MCM9: variants seen among roughly 807,000 people sequenced by gnomAD.
The protein encoded by MCM9 is minichromosome maintenance 9 homologous recombination repair factor.
Under a neutral mutation model 72.8 loss-of-function variants are expected in MCM9, and 55 were observed. The ratio of observed to expected loss-of-function variants is 0.76; its 90% CI spans 0.61 to 0.95. The LOEUF (loss-of-function observed/expected upper bound fraction) is 0.95, where lower values mean the gene tolerates loss of function less well. Ranked by LOEUF, MCM9 falls within the 40% of genes least tolerant of loss-of-function variation. The pLI, the probability that MCM9 is intolerant of heterozygous loss-of-function variation, is 0.00. For missense variants in MCM9, 1,279 were observed against 1,377.0 expected (o/e 0.93, Z 1.13); for synonymous variants, 480 against 503.4 (o/e 0.95, Z 0.62).
At chr6:118,885,231 T>G in intron 8 of MCM9, among the ~76,000 whole-genome samples, 1 of 151,134 alleles carries the variant, frequency 6.6e-6, no homozygotes. Flanking sequence ...AATGAATAAA[T>G]AAATAAAAAT....
intron 9 of MCM9, among the ~76,000 whole-genome samples, chr6:118,841,479 C>T (rs781648939): frequency 2.0e-5 from 3 of 152,202 alleles, no homozygotes; most frequent in East Asian, 1.9e-4. Flanking sequence ...TGCTTGGGTA[C>T]TGAGCAAGCA....
chr6:118,879,279 G>A (rs1167583785), intron 8 of MCM9, among the ~76,000 whole-genome samples: 5 of 149,620 alleles, frequency 3.3e-5, no homozygotes, highest in African/African-American at 2.4e-5. Context: ...ATCCAACTAT[G>A]TGCTGTCTAC....
chr6:118,910,541 G>A (rs1430481917), intron 8 of MCM9: 1 of 857,456 alleles, frequency 1.2e-6, no homozygotes, highest in African/African-American at 1.8e-5. Flanking sequence ...CCACTTAGAT[G>A]GCTTGGACTC....
chr6:118,868,799 T>C (rs1317636921), intron 8 of MCM9, among the ~76,000 whole-genome samples: 1 of 152,170 alleles, frequency 6.6e-6, no homozygotes, highest in African/African-American at 2.4e-5. Flanking sequence ...GAAATAGGAA[T>C]GCTTTTACAC....
intron 8 of MCM9, among the ~76,000 whole-genome samples, chr6:118,906,005 C>T (rs1463930390): frequency 1.3e-5 from 2 of 152,176 alleles, no homozygotes; most frequent in African/African-American, 4.8e-5. Context: ...TCAAACCCTA[C>T]CTTCAGATGA....
chr6:118,909,778 G>C (rs1031711552), intron 8 of MCM9, among the ~76,000 whole-genome samples: 2 of 152,122 alleles, frequency 1.3e-5, no homozygotes, highest in Admixed American at 6.6e-5. Flanking sequence ...TCCCAAGAAT[G>C]TCTATGGCAG....
chr6:118,896,183 G>C (rs577770025), intron 8 of MCM9, among the ~76,000 whole-genome samples: 17 of 151,804 alleles, frequency 1.1e-4, no homozygotes, highest in Non-Finnish European at 2.4e-4. Context: ...TTACTCTGAA[G>C]TCATTTGATT....
chr6:118,840,906 T>A (rs181264792), intron 9 of MCM9, among the ~76,000 whole-genome samples: 1 of 152,032 alleles, frequency 6.6e-6, no homozygotes, highest in Non-Finnish European at 1.5e-5. Context: ...CCTGGATAAT[T>A]GTACTTTCTG....
intron 5 of MCM9, chr6:118,919,139 A>C (rs1402377417): frequency 6.6e-6 from 1 of 152,222 alleles, no homozygotes; most frequent in East Asian, 1.9e-4. Context: ...TGGTCATTTT[A>C]ATGGATTATG....
At chr6:118,896,161 G>A (rs1779396973) in intron 8 of MCM9, among the ~76,000 whole-genome samples, 1 of 151,352 alleles carries the variant, frequency 6.6e-6, no homozygotes, top group South Asian at 2.1e-4. Context: ...ACACTAAGGG[G>A]TATTTTTCTT....
In MCM9 at chr6:118,853,564, C is replaced by T. The variant is rs1291104460; in HGVS notation, c.1325+2807G>A. 7.2e-5 allele frequency among the ~76,000 whole-genome samples: 11 copies of T among 152,126 alleles called. No homozygotes were observed. The East Asian group carries it at 2.1e-3, about 29-fold the overall frequency. On this transcript the variant is annotated intron_variant, in intron 9 of 13. Coordinates refer to ENST00000619706, the MANE Select transcript of MCM9 (RefSeq NM_017696.3). ...TGCCTGTAATCAGTGCTCTGAAAGG[C>T]CGAGGCAAGTGGAACATTTGAGCCC...
intron 8 of MCM9, among the ~76,000 whole-genome samples, chr6:118,879,973 G>A (rs1408965826): frequency 6.6e-6 from 1 of 151,782 alleles, no homozygotes; most frequent in Non-Finnish European, 1.5e-5. Context: ...GAACCTGGGA[G>A]GTGGAGCCGA....
chr6:118,929,172 A>G (rs145630118), intron 3 of MCM9, among the ~76,000 whole-genome samples: 2,123 of 152,236 alleles, frequency 0.014, 42 homozygotes, highest in African/African-American at 0.049. Context: ...GTGAGACAAG[A>G]TTGCATCACT....
intron 8 of MCM9, among the ~76,000 whole-genome samples, chr6:118,882,314 C>T (rs1213404681): frequency 1.3e-5 from 2 of 152,202 alleles, no homozygotes; most frequent in Non-Finnish European, 2.9e-5. Context: ...TCTGAATCTT[C>T]CCCCACAAGA....
chr6:118,816,963 T>C (rs1773448871), intron 13 of MCM9, among the ~76,000 whole-genome samples: 1 of 152,192 alleles, frequency 6.6e-6, no homozygotes, highest in Non-Finnish European at 1.5e-5. Flanking sequence ...TTTAAACATA[T>C]TTACTGGGCA....
intron 5 of MCM9, 141 bp from the exon 6 acceptor site, chr6:118,917,902 CA>C: frequency 2.9e-6 from 2 of 680,236 alleles, no homozygotes; most frequent in Non-Finnish European, 5.0e-6. Context: ...GAAAACAATT[CA>C]GGGGCAGAAT....
chr6:118,919,420 G>A (rs1230760333), intron 5 of MCM9: 1 of 152,176 alleles, frequency 6.6e-6, no homozygotes, highest in Non-Finnish European at 1.5e-5. Flanking sequence ...GTACTATAAT[G>A]AGAATTAGAT....
chr6:118,877,286 C>A (rs1195374206), intron 8 of MCM9, among the ~76,000 whole-genome samples: 1 of 152,166 alleles, frequency 6.6e-6, no homozygotes, highest in Non-Finnish European at 1.5e-5. Flanking sequence ...GATCTGTAAA[C>A]AAAATAAGCT....
chr6:118,902,012 C>T (rs114911085), intron 8 of MCM9, among the ~76,000 whole-genome samples: 1,580 of 152,236 alleles, frequency 0.01, 29 homozygotes, highest in African/African-American at 0.036. Context: ...GGTTTCCTAG[C>T]CTTAGTACTT....
Sources: gnomAD v4.1 joint callset for allele counts (sites outside exome capture counted in the v4.1 genomes callset) on GRCh38, gnomAD v4.1.1 for gene constraint, MANE v1.5 for transcripts, NCBI Gene and HGNC (gene_info 2026-07-23, HGNC 2026-07-21) for gene names.